Variants in RPS6KC1 observed in about 807,000 individuals in gnomAD.
The protein encoded by RPS6KC1 is ribosomal protein S6 kinase C1, also known as inactive ribosomal protein S6 kinase delta-1.
A neutral mutation model predicts 103.8 loss-of-function variants in RPS6KC1; 54 were observed. The observed-to-expected ratio is 0.52, with a 90% CI of 0.42 to 0.65. The LOEUF (loss-of-function observed/expected upper bound fraction) is 0.65. RPS6KC1 is among the 30% of genes least tolerant of loss of function. The pLI is 0.00. For synonymous variants in RPS6KC1, 439 were observed against 438.7 expected (o/e 1.00, Z -0.01); for missense variants, 1,151 against 1,253.8 (o/e 0.92, Z 1.24).
chr1:213,144,219 G>C (rs953662590), intron 6 of RPS6KC1, among the ~76,000 whole-genome samples: 1 of 152,048 alleles, frequency 6.6e-6, no homozygotes, highest in Non-Finnish European at 1.5e-5. Flanking sequence ...GAATTACTTA[G>C]AAGTATGTCA....
At chr1:213,211,161 C>A (rs964354496) in intron 8 of RPS6KC1, among the ~76,000 whole-genome samples, 1 of 152,174 alleles carries the variant, frequency 6.6e-6, no homozygotes, top group Non-Finnish European at 1.5e-5. Flanking sequence ...TAATTTTCAT[C>A]TAAATTTAAC....
chr1:213,803,128 C>T, the RPS6KC1 span, among the ~76,000 whole-genome samples: 1 of 151,854 alleles, frequency 6.6e-6, no homozygotes, highest in Non-Finnish European at 1.5e-5. Flanking sequence ...GTGGCAAGGT[C>T]AGGCTTGATT....
the RPS6KC1 span, among the ~76,000 whole-genome samples, chr1:213,333,233 T>C: frequency 2.0e-5 from 3 of 152,244 alleles, no homozygotes; most frequent in East Asian, 5.8e-4. Flanking sequence ...CAACTGGTCT[T>C]GTACGTTCCT....
At chr1:213,192,257 TG>T (rs2092776017) in intron 8 of RPS6KC1, among the ~76,000 whole-genome samples, 1 of 152,250 alleles carries the variant, frequency 6.6e-6, no homozygotes, top group Admixed American at 6.5e-5. Context: ...TCATGATGAA[TG>T]ATCTTTTTAA....
At chr1:213,236,426 A>G (rs1427098487) in intron 10 of RPS6KC1, among the ~76,000 whole-genome samples, 1 of 152,220 alleles carries the variant, frequency 6.6e-6, no homozygotes, top group Non-Finnish European at 1.5e-5. Flanking sequence ...AAGGAAAATC[A>G]AGGATTCCAT....
the RPS6KC1 span, among the ~76,000 whole-genome samples, chr1:213,709,746 T>G: frequency 3.3e-5 from 5 of 152,212 alleles, no homozygotes; most frequent in Admixed American, 6.5e-5. Flanking sequence ...TTCAAAGAAC[T>G]TATTTATTTC....
At chr1:213,506,783 C>T in the RPS6KC1 span, among the ~76,000 whole-genome samples, 1,217 of 152,220 alleles carry the variant, frequency 8.0e-3, 16 homozygotes, top group African/African-American at 0.027. Context: ...TATAACTCAA[C>T]GACATTGTGG....
At chr1:213,625,346 C>A in the RPS6KC1 span, among the ~76,000 whole-genome samples, 1 of 151,976 alleles carries the variant, frequency 6.6e-6, no homozygotes, top group East Asian at 1.9e-4. Flanking sequence ...ATGCAATATT[C>A]TTTTTAATAT....
chr1:213,445,592 G>A, the RPS6KC1 span, among the ~76,000 whole-genome samples: 1 of 152,202 alleles, frequency 6.6e-6, no homozygotes, highest in Non-Finnish European at 1.5e-5. Context: ...GAAGCACACA[G>A]CAGGGTCAAG....
At chr1:213,230,580 A>G in intron 9 of RPS6KC1, 36 bp downstream of exon 9, 2 of 1,542,830 alleles carry the variant, frequency 1.3e-6, no homozygotes, top group Non-Finnish European at 1.8e-6. Context: ...GGTGCCTATA[A>G]TTCCAGCACT....
the RPS6KC1 span, among the ~76,000 whole-genome samples, chr1:213,791,047 A>G: frequency 4.1e-5 from 4 of 96,908 alleles, no homozygotes; most frequent in African/African-American, 2.7e-4. Flanking sequence ...TTGAAGAACC[A>G]TGGTAGCAAA....
chr1:213,136,715 T>TA (rs2086307085), intron 6 of RPS6KC1, among the ~76,000 whole-genome samples: 1 of 152,056 alleles, frequency 6.6e-6, no homozygotes, highest in Non-Finnish European at 1.5e-5. Context: ...GCTGAATGTA[T>TA]TTTCACACAT....
chr1:213,654,661 A>G, the RPS6KC1 span, among the ~76,000 whole-genome samples: 1 of 152,168 alleles, frequency 6.6e-6, no homozygotes, highest in Admixed American at 6.5e-5. Context: ...GGAATTAAAG[A>G]TTTATTTTTA....
chr1:213,296,208 T>C, the RPS6KC1 span, among the ~76,000 whole-genome samples: 1 of 152,208 alleles, frequency 6.6e-6, no homozygotes, highest in Non-Finnish European at 1.5e-5. Context: ...TGTTTGTACA[T>C]GTAAGAAGCC....
chr1:213,834,772 A>G, the RPS6KC1 span, among the ~76,000 whole-genome samples: 1 of 152,082 alleles, frequency 6.6e-6, no homozygotes, highest in Non-Finnish European at 1.5e-5. Flanking sequence ...TTTTCACAGT[A>G]TCTCTGCAGG....
At chr1:213,373,074 C>T in the RPS6KC1 span, among the ~76,000 whole-genome samples, 12 of 152,132 alleles carry the variant, frequency 7.9e-5, no homozygotes, top group African/African-American at 1.7e-4. Context: ...ACATTAATAG[C>T]GAAAAAATTA....
chr1:213,218,425 T>G (rs1301050727), intron 8 of RPS6KC1, among the ~76,000 whole-genome samples: 1 of 152,022 alleles, frequency 6.6e-6, no homozygotes, highest in Admixed American at 6.5e-5. Context: ...GAATCAATAT[T>G]GTGAAAATGG....
At chr1:213,567,530 C>T in the RPS6KC1 span, among the ~76,000 whole-genome samples, 3 of 152,210 alleles carry the variant, frequency 2.0e-5, no homozygotes, top group African/African-American at 4.8e-5. Flanking sequence ...ATTTCTCTCA[C>T]TTTCCAATTA....
chr1:213,324,593 C>CTTTTTTTT, the RPS6KC1 span, among the ~76,000 whole-genome samples: 163 of 81,812 alleles, frequency 2.0e-3, 5 homozygotes, highest in African/African-American at 4.8e-3. Flanking sequence ...GCTCGATATG[C>CTTTTTTTT]TTTTTTTTTT....
Sources: allele counts gnomAD v4.1 joint callset (sites outside exome capture counted in the v4.1 genomes callset), GRCh38; gene constraint gnomAD v4.1.1; transcripts MANE v1.5; gene names NCBI Gene and HGNC (gene_info 2026-07-23, HGNC 2026-07-21).